FRMD4A: variants seen among roughly 807,000 people sequenced by gnomAD.
The protein encoded by FRMD4A is FERM domain containing 4A.
Under a neutral mutation model 129.1 loss-of-function variants are expected in FRMD4A, and 29 were observed. The observed-to-expected ratio is 0.22, with a 90% CI of 0.17 to 0.31. The LOEUF (loss-of-function observed/expected upper bound fraction) is 0.31, where lower values mean the gene tolerates loss of function less well. Among genes scored for constraint, FRMD4A ranks in the 10% least tolerant of loss-of-function variants. The probability of loss-of-function intolerance (pLI) is 1.00; values close to 1 mark genes in which losing one functional copy is unlikely to be tolerated. For synonymous variants in FRMD4A, 634 were observed against 571.6 expected (o/e 1.11, Z -1.56); for missense variants, 1,272 against 1,375.8 (o/e 0.92, Z 1.19).
rs563182775 is a variant in FRMD4A at position 13,966,175 on chromosome 10, G to A, written c.46-107263C>T. Among the ~76,000 whole-genome samples, 31 of 152,066 alleles carry A rather than the reference G, an allele frequency of 2.0e-4. No homozygotes were observed. The East Asian group carries it at 3.5e-3, about 17-fold the overall frequency. On this transcript the variant is annotated intron_variant, in intron 2 of 24. Transcript: ENST00000357447. ...GCTGGGATTACAGGTGCCCGCCATC[G>A]TACCTGGCTAATTTTTTTTGTATTT...
chr10:13,714,041 T>TATTTTATATACATATATATAAA (rs2088488432), intron 12 of FRMD4A, among the ~76,000 whole-genome samples: 1 of 5,496 alleles, frequency 1.8e-4, no homozygotes, highest in Non-Finnish European at 3.6e-4. Context: ...TATATATATA[T>TATTTTATATACATATATATAAA]ATATATATAT....
chr10:13,958,473 C>G (rs890600278), intron 2 of FRMD4A, among the ~76,000 whole-genome samples: 7 of 151,526 alleles, frequency 4.6e-5, no homozygotes, highest in African/African-American at 1.7e-4. Flanking sequence ...TTAGTAGAGA[C>G]GGGGTTTCAC....
At chr10:13,795,005 A>T (rs894291334) in intron 5 of FRMD4A, among the ~76,000 whole-genome samples, 1 of 152,216 alleles carries the variant, frequency 6.6e-6, no homozygotes, top group African/African-American at 2.4e-5. Flanking sequence ...TCCTGCAAGG[A>T]CGTCCACAAA....
chr10:14,170,546 G>A (rs901203934), intron 2 of FRMD4A, among the ~76,000 whole-genome samples: 2 of 152,272 alleles, frequency 1.3e-5, no homozygotes, highest in Non-Finnish European at 1.5e-5. Context: ...AGACACCAAC[G>A]CTGGGAAGTT....
At chr10:14,292,082 A>T (rs1484867003) in intron 2 of FRMD4A, among the ~76,000 whole-genome samples, 1 of 152,212 alleles carries the variant, frequency 6.6e-6, no homozygotes, top group Non-Finnish European at 1.5e-5. Flanking sequence ...TAATTCATGG[A>T]TAAGAAGATT....
intron 2 of FRMD4A, among the ~76,000 whole-genome samples, chr10:14,101,419 G>A (rs1364101756): frequency 6.6e-5 from 10 of 152,196 alleles, no homozygotes; most frequent in Admixed American, 5.9e-4. Context: ...TAGGTAGTCT[G>A]CTCCTCAAGA....
chr10:14,113,041 C>T (rs1029678688), intron 2 of FRMD4A, among the ~76,000 whole-genome samples: 3 of 152,038 alleles, frequency 2.0e-5, no homozygotes, highest in Admixed American at 6.5e-5. Flanking sequence ...AGTACAGGTT[C>T]GGACTGGAAT....
intron 8 of FRMD4A, 109 bp from the exon 9 acceptor site, chr10:13,747,928 T>C (rs1588538977): frequency 1.4e-6 from 1 of 711,930 alleles, no homozygotes; most frequent in South Asian, 1.5e-5. Flanking sequence ...TCTGCTTCCC[T>C]GTTAATAAAA....
At position 13,730,859 on chromosome 10, in the gene FRMD4A, C is replaced by CA. The variant is rs10639026; in HGVS notation, c.759+6984dup. 6.4e-3 allele frequency among the ~76,000 whole-genome samples: 584 copies of CA among 90,846 alleles called. 4 individuals are homozygous for CA. Among genetic ancestry groups the CA allele is most frequent in the African/African-American group, 0.016 (396 of 24,202 alleles). The allele number at this position is 90,846 out of a possible 152,430, so 59.6% of individuals were successfully genotyped here. A position where few individuals can be genotyped will look rare whatever the true frequency, so the allele number is the denominator to read the frequency against. ...TGAAACCCAGTCTCTACTAAAAATACAAAAAAAAAAAAAAAAAAATTAGCC... is the reference window on the plus strand; with the variant it reads ...TGAAACCCAGTCTCTACTAAAAATACAAAAAAAAAAAAAAAAAAAATTAGCC... On this transcript the variant is annotated intron_variant, in intron 12 of 24. Transcript: ENST00000357447.
intron 24 of FRMD4A, among the ~76,000 whole-genome samples, chr10:13,650,075 C>T (rs1425508098): frequency 2.0e-5 from 3 of 152,318 alleles, no homozygotes; most frequent in East Asian, 1.9e-4. Flanking sequence ...GTGTGGCCTG[C>T]AAAGGGTACT....
chr10:13,982,194 A>G, intron 2 of FRMD4A, among the ~76,000 whole-genome samples: 1 of 151,822 alleles, frequency 6.6e-6, no homozygotes, highest in African/African-American at 2.4e-5. Flanking sequence ...AAACACAAAG[A>G]AATTCTCAGC....
At chr10:13,884,154 T>TCACTCACACACACTCACACACA (rs1564970810) in intron 2 of FRMD4A, among the ~76,000 whole-genome samples, 2 of 111,158 alleles carry the variant, frequency 1.8e-5, no homozygotes, top group African/African-American at 7.2e-5. Flanking sequence ...TCTCACACAC[T>TCACTCACACACACTCACACACA]CTCACACACA....
At chr10:13,755,265 G>A (rs949439456) in intron 8 of FRMD4A, among the ~76,000 whole-genome samples, 26 of 152,186 alleles carry the variant, frequency 1.7e-4, no homozygotes, top group African/African-American at 6.0e-4. Context: ...CTCTGGCCTG[G>A]CAAAAAAGAC....
At chr10:13,759,099 G>C (rs994223253) in intron 8 of FRMD4A, among the ~76,000 whole-genome samples, 34 of 152,136 alleles carry the variant, frequency 2.2e-4, no homozygotes, top group African/African-American at 8.0e-4. Flanking sequence ...GTTTATCAGA[G>C]ACTCCCATGT....
At chr10:13,826,168 T>G (rs761418005) in intron 3 of FRMD4A, among the ~76,000 whole-genome samples, 1 of 152,206 alleles carries the variant, frequency 6.6e-6, no homozygotes, top group Admixed American at 6.5e-5. Flanking sequence ...TAAATGAGGG[T>G]TCCCCCTTTC....
intron 2 of FRMD4A, among the ~76,000 whole-genome samples, chr10:14,250,638 T>C (rs1445801906): frequency 6.6e-6 from 1 of 152,256 alleles, no homozygotes; most frequent in Non-Finnish European, 1.5e-5. Context: ...CAAGCTCTTC[T>C]AGAGAATTAG....
At chr10:14,221,517 T>C (rs1843260351) in intron 2 of FRMD4A, among the ~76,000 whole-genome samples, 1 of 152,150 alleles carries the variant, frequency 6.6e-6, no homozygotes, top group Non-Finnish European at 1.5e-5. Flanking sequence ...ACCAAATTGG[T>C]TTGCTTTAGC....
chr10:14,212,999 G>A lies in FRMD4A; in HGVS notation c.45+117059C>T, dbSNP rs140001498. On this transcript the variant is annotated intron_variant, in intron 2 of 24. Transcript: ENST00000357447. The stretch of plus-strand genomic sequence containing the variant: ...CGCCTGTAATCCCAGCACTTTGGGA[G>A]GCTGAGGCAGGAGGATCTCTTGAGG... 2.7e-3 allele frequency among the ~76,000 whole-genome samples: 416 copies of A among 152,328 alleles called. 4 individuals carry two copies. The highest frequency in any genetic ancestry group is 8.6e-3 in the African/African-American group (358 of 41,584).
intron 2 of FRMD4A, among the ~76,000 whole-genome samples, chr10:13,897,303 T>C (rs1019413978): frequency 1.3e-5 from 2 of 152,220 alleles, no homozygotes; most frequent in African/African-American, 4.8e-5. Flanking sequence ...ACTTTTCTTT[T>C]TGTTATTTCA....
Sources: gnomAD v4.1 joint callset for allele counts (sites outside exome capture counted in the v4.1 genomes callset) on GRCh38, gnomAD v4.1.1 for gene constraint, MANE v1.5 for transcripts, NCBI Gene and HGNC (gene_info 2026-07-23, HGNC 2026-07-21) for gene names.